SCAF8: variants seen among roughly 807,000 people sequenced by gnomAD.
The protein encoded by SCAF8 is SR-related CTD associated factor 8.
In SCAF8, 23 loss-of-function variants were observed where a neutral mutation model predicts 140.5. The ratio of observed to expected loss-of-function variants is 0.16; its 90% CI spans 0.12 to 0.23. The LOEUF is 0.23. SCAF8 is among the 10% of genes least tolerant of loss of function. The pLI, the probability that SCAF8 is intolerant of heterozygous loss-of-function variation, is 1.00. For missense variants in SCAF8, 1,397 were observed against 1,555.7 expected (o/e 0.90, Z 1.72); for synonymous variants, 575 against 528.9 (o/e 1.09, Z -1.20).
In SCAF8 at chr6:154,733,438, C is replaced by G; in HGVS notation, c.-463C>G. 2 of 1,396,934 alleles carry G rather than the reference C, an allele frequency of 1.4e-6. No homozygotes were observed. The allele number at this position is 1,396,934 out of a possible 1,614,324, so 86.5% of individuals were successfully genotyped here. On this transcript the variant is annotated 5_prime_UTR_variant, in exon 1 of 20. Coordinates refer to ENST00000367178, the MANE Select transcript of SCAF8 (RefSeq NM_014892.5). ...GCCATATTGGATGCCGCAGCCGCTG[C>G]TGCCAGCGCTTCCTCCTCTGTCTTC...
At chr6:154,805,283 CTT>C in intron 8 of SCAF8, 84 bp from the exon 9 acceptor site, 1 of 737,790 alleles carries the variant, frequency 1.4e-6, no homozygotes, top group Non-Finnish European at 2.3e-6. Flanking sequence ...ATTGAATTGA[CTT>C]TTTTGTTTTC....
intron 4 of SCAF8, among the ~76,000 whole-genome samples, chr6:154,790,505 T>C (rs915583639): frequency 1.2e-3 from 101 of 81,154 alleles, no homozygotes; most frequent in African/African-American, 5.6e-3. Flanking sequence ...TTTTTTTTTT[T>C]TTTTTTTTTT....
At chr6:154,826,248 TAAG>T (rs1778564797) in intron 17 of SCAF8, among the ~76,000 whole-genome samples, 1 of 152,134 alleles carries the variant, frequency 6.6e-6, no homozygotes, top group Non-Finnish European at 1.5e-5. Context: ...AAGATATTTT[TAAG>T]TGATTATTTC....
intron 3 of SCAF8, among the ~76,000 whole-genome samples, chr6:154,784,122 T>G (rs113431480): frequency 0.031 from 571 of 18,628 alleles, 8 homozygotes; most frequent in Middle Eastern, 0.12. Flanking sequence ...TGTCTTGAGA[T>G]ATATATATAT....
At chr6:154,782,111 G>T (rs1777102882) in intron 3 of SCAF8, among the ~76,000 whole-genome samples, 2 of 152,200 alleles carry the variant, frequency 1.3e-5, no homozygotes, top group Non-Finnish European at 2.9e-5. Flanking sequence ...TGCTGATTGT[G>T]TCTTAGCTTT....
At chr6:154,776,092 C>T (rs1450348324) in intron 2 of SCAF8, among the ~76,000 whole-genome samples, 3 of 151,966 alleles carry the variant, frequency 2.0e-5, no homozygotes, top group Non-Finnish European at 4.4e-5. Flanking sequence ...AGAGTTCATC[C>T]TTAACATTTT....
intron 1 of SCAF8, among the ~76,000 whole-genome samples, chr6:154,734,979 C>A (rs1367512029): frequency 6.6e-6 from 1 of 152,006 alleles, no homozygotes; most frequent in Non-Finnish European, 1.5e-5. Flanking sequence ...AAAAAATTAG[C>A]TGGGCGTAGT....
chr6:154,832,192 G>A lies in SCAF8; in HGVS notation c.2613G>A (p.Val871=). 6.2e-7 allele frequency: 1 copy of A among 1,614,010 alleles called. No homozygotes were observed. ...SVSNSSGLLG[V]LPPNIPNNSG... is the part of the protein sequence containing the mutation. ...CAAATAGTTCTGGACTTTTGGGAGTGCTACCCCCAAATATACCTAACAATT... is the reference window on the plus strand; with the variant it reads ...CAAATAGTTCTGGACTTTTGGGAGTACTACCCCCAAATATACCTAACAATT... The change falls in exon 20 of 20, where the codon GTG becomes GTA. Residue 871 remains valine, a synonymous_variant. Transcript: ENST00000367178.
chr6:154,801,920 T>TA, intron 6 of SCAF8, 51 bp from the exon 7 acceptor site: 1 of 1,385,582 alleles, frequency 7.2e-7, no homozygotes, highest in Non-Finnish European at 9.8e-7. Flanking sequence ...TGGCCACTCT[T>TA]ACAGAAAAAA....
intron 4 of SCAF8, among the ~76,000 whole-genome samples, chr6:154,790,583 T>C (rs1406749344): frequency 1.5e-5 from 2 of 135,200 alleles, no homozygotes; most frequent in Non-Finnish European, 3.1e-5. Context: ...TAATCTCGGC[T>C]CACTGCAAGC....
In SCAF8 at chr6:154,821,347, C is replaced by CT. The variant is rs80093729; in HGVS notation, c.1793-917dup. ...TCACTTGTTTTCCTATTCTGTTTTA[C>CT]TTTTTTTTTTTTGCAATAACAGTTG... is the stretch of plus-strand genomic sequence containing the variant. On this transcript the variant is annotated intron_variant, in intron 15 of 19. Transcript: ENST00000367178. Among the ~76,000 whole-genome samples the CT allele has an allele frequency of 7.1e-3, 1,023 of 144,876 alleles. 6 individuals carry two copies. The highest frequency in any genetic ancestry group is 0.012 in the African/African-American group (488 of 39,740).
In SCAF8 at chr6:154,832,439, C is replaced by T. The variant is rs1778773941; in HGVS notation, c.2860C>T (p.Pro954Ser). 4 of 1,614,028 alleles carry T rather than the reference C, an allele frequency of 2.5e-6. No individual in the cohort carries two copies. Among genetic ancestry groups the T allele is most frequent in the Non-Finnish European group, 2.5e-6 (3 of 1,180,020 alleles). Residue 954 changes from proline (P) to serine (S), a missense_variant, in exon 20 of 20, where the codon CCC becomes TCC. This residue lies in a region of SCAF8 where 930 missense variants were observed against 874.6 expected (regional missense o/e 1.06). Coordinates refer to ENST00000367178, the MANE Select transcript of SCAF8 (RefSeq NM_014892.5). ...AATTCCACCCCAACGGGGAATCCCA[C>T]CCCCATCGGTACTTGATTCAGCTCT... ...PGIPPQRGIP[P>S]PSVLDSALHP...
At chr6:154,793,499 A>G (rs1373548494) in intron 5 of SCAF8, among the ~76,000 whole-genome samples, 1 of 151,696 alleles carries the variant, frequency 6.6e-6, no homozygotes, top group Non-Finnish European at 1.5e-5. Context: ...AATTTTTTCA[A>G]AAATTTTTAT....
intron 13 of SCAF8, among the ~76,000 whole-genome samples, chr6:154,816,208 A>G (rs1278444837): frequency 1.7e-4 from 26 of 152,168 alleles, no homozygotes; most frequent in Non-Finnish European, 3.8e-4. Context: ...AGTCGTGGAG[A>G]CACAGCTGGA....
chr6:154,790,759 C>T (rs1184777354), intron 4 of SCAF8, among the ~76,000 whole-genome samples: 1 of 152,012 alleles, frequency 6.6e-6, no homozygotes, highest in Non-Finnish European at 1.5e-5. Flanking sequence ...ATCTGTCCGC[C>T]TTGGCCTCCC....
chr6:154,820,782 C>G (rs773383565), intron 15 of SCAF8, among the ~76,000 whole-genome samples: 20 of 151,598 alleles, frequency 1.3e-4, no homozygotes, highest in Non-Finnish European at 2.7e-4. Flanking sequence ...TTCTGGGATG[C>G]CTTTTACAAT....
At chr6:154,822,080 C>T (rs1392271903) in intron 15 of SCAF8, 196 bp from the exon 16 acceptor site, 2 of 424,198 alleles carry the variant, frequency 4.7e-6, no homozygotes, top group Non-Finnish European at 8.2e-6. Context: ...TCTCATGTTT[C>T]ATGGTTTTTT....
At chr6:154,782,682 G>T (rs1777120005) in intron 3 of SCAF8, among the ~76,000 whole-genome samples, 2 of 152,162 alleles carry the variant, frequency 1.3e-5, no homozygotes, top group African/African-American at 4.8e-5. Context: ...CAGGCTGTCT[G>T]CAAGCTTGAG....
intron 1 of SCAF8, among the ~76,000 whole-genome samples, chr6:154,738,825 C>T (rs187020779): frequency 1.3e-4 from 20 of 152,198 alleles, no homozygotes; most frequent in Non-Finnish European, 2.1e-4. Context: ...CATATCTATA[C>T]TCTGTACTTA....
Sources: gnomAD v4.1 joint callset for allele counts (sites outside exome capture counted in the v4.1 genomes callset) on GRCh38, gnomAD v4.1.1 for gene constraint, gnomAD v4.1.1 regional missense constraint, MANE v1.5 for transcripts, NCBI Gene and HGNC (gene_info 2026-07-23, HGNC 2026-07-21) for gene names.